RPS6KC1: variants seen among roughly 807,000 people sequenced by gnomAD.
RPS6KC1 encodes inactive ribosomal protein S6 kinase delta-1.
In RPS6KC1, 54 loss-of-function variants were observed where a neutral mutation model predicts 103.8. The observed-to-expected ratio is 0.52, with a 90% CI of 0.42 to 0.65. The LOEUF (loss-of-function observed/expected upper bound fraction) is 0.65, where lower values mean the gene tolerates loss of function less well. RPS6KC1 is among the 30% of genes least tolerant of loss of function. The probability of loss-of-function intolerance (pLI) is 0.00; values close to 1 mark genes in which losing one functional copy is unlikely to be tolerated. For missense variants in RPS6KC1, 1,151 were observed against 1,253.8 expected (o/e 0.92, Z 1.24); for synonymous variants, 439 against 438.7 (o/e 1.00, Z -0.01).
chr1:213,242,485 G>A, intron 11 of RPS6KC1, 84 bp from the exon 12 acceptor site: 1 of 1,188,468 alleles, frequency 8.4e-7, no homozygotes, highest in Non-Finnish European at 1.2e-6. Flanking sequence ...ACTGTTTTTA[G>A]CTACAAAAGG....
chr1:213,635,263 C>A, the RPS6KC1 span, among the ~76,000 whole-genome samples: 1 of 152,176 alleles, frequency 6.6e-6, no homozygotes. Flanking sequence ...TCCTCCCTAA[C>A]TCATTTTACG....
chr1:213,709,857 A>G, the RPS6KC1 span, among the ~76,000 whole-genome samples: 3 of 152,242 alleles, frequency 2.0e-5, no homozygotes, highest in African/African-American at 7.2e-5. Flanking sequence ...CCTAATGTCT[A>G]ATTTCATTGC....
At chr1:213,131,225 T>C (rs2085571923) in intron 6 of RPS6KC1, among the ~76,000 whole-genome samples, 1 of 152,196 alleles carries the variant, frequency 6.6e-6, no homozygotes, top group South Asian at 2.1e-4. Context: ...GTTATTGTCT[T>C]ACTAAAGTTG....
At chr1:213,283,154 C>G in the RPS6KC1 span, among the ~76,000 whole-genome samples, 1 of 152,156 alleles carries the variant, frequency 6.6e-6, no homozygotes. Flanking sequence ...ATCTCCCTTC[C>G]CAAACACATA....
At chr1:213,086,461 C>A (rs1367092488) in intron 3 of RPS6KC1, among the ~76,000 whole-genome samples, 2 of 152,316 alleles carry the variant, frequency 1.3e-5, no homozygotes, top group Admixed American at 6.5e-5. Context: ...CACATTGCCT[C>A]CAATGAGATC....
chr1:213,795,830 T>C, the RPS6KC1 span, among the ~76,000 whole-genome samples: 1 of 152,170 alleles, frequency 6.6e-6, no homozygotes, highest in African/African-American at 2.4e-5. Flanking sequence ...TGGTTTCGTC[T>C]CTTAGCTTCT....
intron 8 of RPS6KC1, among the ~76,000 whole-genome samples, chr1:213,209,311 T>C (rs2093436886): frequency 1.3e-5 from 2 of 152,192 alleles, no homozygotes; most frequent in African/African-American, 4.8e-5. Context: ...GAAAGGGATA[T>C]TGATCCAAAC....
chr1:213,587,770 T>G, the RPS6KC1 span, among the ~76,000 whole-genome samples: 1 of 152,186 alleles, frequency 6.6e-6, no homozygotes. Flanking sequence ...GACATCCTCC[T>G]GCAAGAAGGC....
the RPS6KC1 span, among the ~76,000 whole-genome samples, chr1:213,802,875 G>A: frequency 0.14 from 20,968 of 152,036 alleles, 2,105 homozygotes; most frequent in African/African-American, 0.28. Context: ...TGAAAGAACC[G>A]GGAATGTTTA....
chr1:213,328,026 A>T, the RPS6KC1 span, among the ~76,000 whole-genome samples: 2 of 151,772 alleles, frequency 1.3e-5, no homozygotes, highest in Non-Finnish European at 2.9e-5. Flanking sequence ...CATTATCTGA[A>T]ATTTATTTTT....
chr1:213,774,883 G>T, the RPS6KC1 span, among the ~76,000 whole-genome samples: 50 of 152,202 alleles, frequency 3.3e-4, no homozygotes, highest in Non-Finnish European at 8.8e-5. Context: ...GAGGCAGCCC[G>T]CACTCCATGT....
At chr1:213,061,147 G>T (rs1238715357) in intron 1 of RPS6KC1, among the ~76,000 whole-genome samples, 1 of 152,104 alleles carries the variant, frequency 6.6e-6, no homozygotes, top group East Asian at 1.9e-4. Flanking sequence ...CCTCTGGAAG[G>T]CCTCACATCC....
At chr1:213,262,569 C>T in intron 13 of RPS6KC1, 152 bp from the exon 14 acceptor site, 1 of 611,652 alleles carries the variant, frequency 1.6e-6, no homozygotes, top group Non-Finnish European at 3.0e-6. Flanking sequence ...TCACAGCCCT[C>T]ATCCTAAACT....
chr1:213,058,161 C>T (rs2077513647), intron 1 of RPS6KC1, among the ~76,000 whole-genome samples: 1 of 149,196 alleles, frequency 6.7e-6, no homozygotes, highest in Admixed American at 6.7e-5. Flanking sequence ...TGTGCTACAG[C>T]CTCGACCTCC....
intron 12 of RPS6KC1, among the ~76,000 whole-genome samples, chr1:213,257,223 CAT>C (rs766025419): frequency 1.3e-5 from 2 of 152,148 alleles, no homozygotes; most frequent in African/African-American, 4.8e-5. Context: ...ACAAACATAA[CAT>C]GTAGCTTTTG....
chr1:213,602,007 T>TTTTC, the RPS6KC1 span, among the ~76,000 whole-genome samples: 1 of 49,974 alleles, frequency 2.0e-5, no homozygotes, highest in Non-Finnish European at 4.3e-5. Context: ...TTTTCTTTTC[T>TTTTC]TTTCTTTTCT....
chr1:213,251,257 C>T (rs1051667737), intron 12 of RPS6KC1, among the ~76,000 whole-genome samples: 1 of 152,080 alleles, frequency 6.6e-6, no homozygotes, highest in Non-Finnish European at 1.5e-5. Flanking sequence ...CAGATGGCCA[C>T]CACCATGCCC....
chr1:213,067,119 A>C (rs1168324232), intron 1 of RPS6KC1, among the ~76,000 whole-genome samples: 1 of 152,202 alleles, frequency 6.6e-6, no homozygotes, highest in Non-Finnish European at 1.5e-5. Context: ...ACCAGTGTAC[A>C]TCTTACACGT....
At chr1:213,659,857 G>A in the RPS6KC1 span, among the ~76,000 whole-genome samples, 4 of 152,128 alleles carry the variant, frequency 2.6e-5, no homozygotes, top group East Asian at 3.9e-4. Context: ...AAGGGAAGTC[G>A]TTTATCTAAC....
Sources: allele counts gnomAD v4.1 joint callset (sites outside exome capture counted in the v4.1 genomes callset), GRCh38; gene constraint gnomAD v4.1.1; transcripts MANE v1.5; gene names NCBI Gene and HGNC (gene_info 2026-07-23, HGNC 2026-07-21).